The following STRN4 variants were observed in gnomAD, a reference collection of about 807,000 sequenced individuals.
STRN4 encodes striatin 4.
Under a neutral mutation model 77.9 loss-of-function variants are expected in STRN4, and 27 were observed. The ratio of observed to expected loss-of-function variants is 0.35; its 90% CI spans 0.26 to 0.48. The LOEUF is 0.48. Among genes scored for constraint, STRN4 ranks in the 20% least tolerant of loss-of-function variants. The pLI, the probability that STRN4 is intolerant of heterozygous loss-of-function variation, is 0.99. For synonymous variants in STRN4, 466 were observed against 443.1 expected (o/e 1.05, Z -0.65); for missense variants, 798 against 1,049.7 (o/e 0.76, Z 3.31).
chr19:46,735,031 C>A (rs544719223), intron 4 of STRN4, among the ~76,000 whole-genome samples: 2 of 152,016 alleles, frequency 1.3e-5, no homozygotes, highest in East Asian at 3.9e-4. Flanking sequence ...CTGGGCTGGG[C>A]GCGGTGGCTC....
chr19:46,727,334 G>T, intron 9 of STRN4, 118 bp downstream of exon 9: 1 of 843,370 alleles, frequency 1.2e-6, no homozygotes, highest in Non-Finnish European at 1.9e-6. Context: ...GTCTACATCT[G>T]CACCCCTCTG....
In STRN4 at chr19:46,738,729, G is replaced by A. The variant is rs1012602706; in HGVS notation, c.386+56C>T. 4.4e-6 allele frequency: 7 copies of A among 1,575,018 alleles called. No individual in the cohort carries two copies. The highest frequency in any genetic ancestry group is 6.1e-6 in the Non-Finnish European group (7 of 1,145,492). On this transcript the variant is annotated intron_variant, in intron 2 of 17. Transcript: ENST00000263280. The surrounding 1 kb of genome is among the most constrained non-coding windows in gnomAD (Gnocchi z 4.5). ...AAGGAGGCGTGGCTGGTGGCCTCCT[G>A]ACACTGTGCTTGAGACGGACCCAGA...
At chr19:46,729,692 C>T (rs1299960609) in intron 6 of STRN4, among the ~76,000 whole-genome samples, 1 of 152,186 alleles carries the variant, frequency 6.6e-6, no homozygotes, top group Non-Finnish European at 1.5e-5. Flanking sequence ...GTGCCTGGAA[C>T]CATGAGGGCT....
At chr19:46,722,404 G>A in intron 14 of STRN4, 64 bp from the exon 15 acceptor site, 6 of 1,526,988 alleles carry the variant, frequency 3.9e-6, no homozygotes, top group Non-Finnish European at 4.5e-6. Context: ...CAGAACAGAG[G>A]CACAAGCGCA....
chr19:46,743,270 C>A (rs2054505914), intron 1 of STRN4, among the ~76,000 whole-genome samples: 1 of 151,826 alleles, frequency 6.6e-6, no homozygotes. Flanking sequence ...ACACACACAC[C>A]CCTCTGAGAT....
intron 9 of STRN4, 34 bp from the exon 10 acceptor site, chr19:46,725,682 C>T (rs760648676): frequency 1.9e-6 from 3 of 1,605,512 alleles, no homozygotes; most frequent in Non-Finnish European, 1.7e-6. Context: ...AGTGTCTTCG[C>T]ATCCATCCCA....
intron 6 of STRN4, 60 bp downstream of exon 6, chr19:46,730,672 A>G: frequency 1.3e-6 from 2 of 1,589,772 alleles, no homozygotes; most frequent in South Asian, 1.1e-5. Flanking sequence ...GCTGACTCGG[A>G]AGGGCTTCGA....
intron 4 of STRN4, chr19:46,736,558 A>G (rs2054368854): frequency 3.1e-6 from 1 of 318,036 alleles, no homozygotes; most frequent in Admixed American, 5.0e-5. Context: ...GAGACAAAAA[A>G]AAAAAAAAAA....
intron 10 of STRN4, 26 bp from the exon 11 acceptor site, chr19:46,725,405 G>A: frequency 6.2e-7 from 1 of 1,614,082 alleles, no homozygotes; most frequent in East Asian, 2.2e-5. Flanking sequence ...GGAGCCTGAT[G>A]TCACTGAGAC....
intron 10 of STRN4, 45 bp downstream of exon 10, chr19:46,725,428 G>A (rs527426173): frequency 3.7e-5 from 59 of 1,610,336 alleles, no homozygotes; most frequent in East Asian, 3.3e-4. Context: ...TGTCACCCCC[G>A]TCCCCAGATG....
intron 4 of STRN4, chr19:46,736,404 A>G (rs1446892525): frequency 6.5e-6 from 1 of 154,912 alleles, no homozygotes; most frequent in Non-Finnish European, 1.4e-5. Flanking sequence ...CCACTACTGT[A>G]TTTGATTAGT....
intron 6 of STRN4, among the ~76,000 whole-genome samples, chr19:46,729,761 C>A (rs979333755): frequency 6.6e-6 from 1 of 152,206 alleles, no homozygotes; most frequent in African/African-American, 2.4e-5. Context: ...GGGGGACAGC[C>A]ACCATGCAGC....
In STRN4 at chr19:46,725,388, T is replaced by C. The variant is rs1204428626; in HGVS notation, c.1425-9A>G. 1.2e-6 allele frequency: 2 copies of C among 1,614,116 alleles called. No individual in the cohort carries two copies. The highest frequency in any genetic ancestry group is 2.2e-5 in the South Asian group (2 of 91,090). On this transcript the variant is annotated splice_polypyrimidine_tract_variant and intron_variant, in intron 10 of 17. Transcript: ENST00000263280. The stretch of plus-strand genomic sequence containing the variant: ...CATCTAGCGCCGCATTCCTGTGGGA[T>C]GACAGAGGAGCCTGATGTCACTGAG...
rs1331659363 is a variant in STRN4 at position 46,741,699 on chromosome 19, C to T, written c.283-2811G>A. On this transcript the variant is annotated intron_variant, in intron 1 of 17. Coordinates refer to ENST00000263280, the MANE Select transcript of STRN4 (RefSeq NM_013403.3). This position sits in a 1 kb window ranked among gnomAD's most constrained non-coding sequence, Gnocchi z 4.9. The stretch of plus-strand genomic sequence containing the variant: ...CTGATACCTGGCAGCTACTGCCTCT[C>T]CGCCCCTCCAGCTATTCCCAGCAAG... Among the ~76,000 whole-genome samples, 2 of 152,224 alleles carry T rather than the reference C, an allele frequency of 1.3e-5. No homozygotes were observed. The highest frequency in any genetic ancestry group is 2.9e-5 in the Non-Finnish European group (2 of 68,040).
At position 46,727,974 on chromosome 19, in the gene STRN4, G is replaced by T. The variant is rs570721750; in HGVS notation, c.1073C>A (p.Ala358Asp). Residue 358 changes from alanine (A) to aspartate (D), a missense_variant, in exon 8 of 18, where the codon GCT becomes GAT. By Grantham distance (126) the Ala-to-Asp change is moderately radical (BLOSUM62 -2). Coordinates refer to ENST00000263280, the MANE Select transcript of STRN4 (RefSeq NM_013403.3). ...CAGCCCATCCACATCCCGCAGGTCAGCCAGAATGCCTTGGAGTTTGACCCG... is the reference window on the plus strand; with the variant it reads ...CAGCCCATCCACATCCCGCAGGTCATCCAGAATGCCTTGGAGTTTGACCCG... The part of the protein sequence containing the change: ...SRRVKLQGIL[A>D]DLRDVDGLPP... 1 of 1,614,000 alleles carries T rather than the reference G, an allele frequency of 6.2e-7. No individual in the cohort carries two copies. Among genetic ancestry groups the T allele is most frequent in the East Asian group, 2.2e-5 (1 of 44,886 alleles).
At chr19:46,736,209 A>AAG (rs2054359165) in intron 4 of STRN4, 2 of 152,228 alleles carry the variant, frequency 1.3e-5, no homozygotes, top group South Asian at 4.2e-4. Flanking sequence ...GGATGGAGGC[A>AAG]GAGGTTGCAG....
In STRN4 at chr19:46,723,808, C is replaced by T. The variant is rs1367443572; in HGVS notation, c.1595-524G>A. Among the ~76,000 whole-genome samples, 1 of 152,184 alleles carries T rather than the reference C, an allele frequency of 6.6e-6. No individual in the cohort carries two copies. The highest frequency in any genetic ancestry group is 2.4e-5 in the African/African-American group (1 of 41,438). On this transcript the variant is annotated intron_variant, in intron 12 of 17. Coordinates refer to ENST00000263280, the MANE Select transcript of STRN4 (RefSeq NM_013403.3). This position sits in a 1 kb window ranked among gnomAD's most constrained non-coding sequence, Gnocchi z 5.5. ...CACCAGCAGCTCTGGCCTGCTGACA[C>T]CGAAAGTGTGGTGGCTAATGTAGCT... is the stretch of plus-strand genomic sequence containing the variant.
rs775707221 is a variant in STRN4 at position 46,738,859 on chromosome 19, C to T, written c.312G>A (p.Arg104=). ...CCGTCTTTAGATTCTCCTGCCCTTT[C>T]CTCTCTCCCTGAAGGAAGGCCACCT... ...QAQVAFLQGE[R]KGQENLKTDL... Residue 104 remains arginine (R), a synonymous_variant, in exon 2 of 18, where the codon AGG becomes AGA. Transcript: ENST00000263280. The surrounding 1 kb of genome is among the most constrained non-coding windows in gnomAD (Gnocchi z 4.5). 2 of 1,614,138 alleles carry T rather than the reference C, an allele frequency of 1.2e-6. No individual in the cohort carries two copies. The highest frequency in any genetic ancestry group is 1.1e-5 in the South Asian group (1 of 91,086).
chr19:46,744,321 A>G (rs2054531720), intron 1 of STRN4, among the ~76,000 whole-genome samples: 2 of 152,176 alleles, frequency 1.3e-5, no homozygotes, highest in Non-Finnish European at 2.9e-5. Flanking sequence ...CCCAGCCCCA[A>G]GCCTCAGCCA....
Sources: allele counts gnomAD v4.1 joint callset (sites outside exome capture counted in the v4.1 genomes callset), GRCh38; gene constraint gnomAD v4.1.1; non-coding constraint Gnocchi (gnomAD v3.1); transcripts MANE v1.5; gene names NCBI Gene and HGNC (gene_info 2026-07-23, HGNC 2026-07-21).